Variants in QTMAN observed in about 807,000 individuals in gnomAD.
QTMAN encodes tRNA-queuosine alpha-mannosyltransferase.
chr2:144,031,538 TCAGATA>T, the QTMAN span, among the ~76,000 whole-genome samples: 1 of 151,734 alleles, frequency 6.6e-6, no homozygotes, highest in African/African-American at 2.4e-5. Flanking sequence ...AGAAAAATAC[TCAGATA>T]CAATCATAAA....
chr2:144,134,658 T>C, the QTMAN span, among the ~76,000 whole-genome samples: 7 of 152,234 alleles, frequency 4.6e-5, no homozygotes, highest in Middle Eastern at 3.4e-3. Context: ...AATTCTGTTG[T>C]AGTGATCATA....
At chr2:144,197,675 G>A in the QTMAN span, among the ~76,000 whole-genome samples, 8 of 152,044 alleles carry the variant, frequency 5.3e-5, no homozygotes, top group Non-Finnish European at 1.2e-4. Flanking sequence ...CTAGTAAAAA[G>A]CAAATAACAC....
chr2:144,112,394 T>C, the QTMAN span, among the ~76,000 whole-genome samples: 28 of 152,328 alleles, frequency 1.8e-4, no homozygotes, highest in Non-Finnish European at 3.8e-4. Context: ...ACCTAAGGAA[T>C]GATACAGTAA....
chr2:144,254,402 A>C, the QTMAN span, among the ~76,000 whole-genome samples: 1 of 152,192 alleles, frequency 6.6e-6, no homozygotes, highest in Non-Finnish European at 1.5e-5. Flanking sequence ...AGCCTGGGTG[A>C]CAGGGTGAGA....
the QTMAN span, among the ~76,000 whole-genome samples, chr2:144,327,462 T>A: frequency 1.3e-5 from 2 of 152,146 alleles, no homozygotes; most frequent in African/African-American, 4.8e-5. Flanking sequence ...TTGAACTGCA[T>A]AAAAATCACC....
the QTMAN span, among the ~76,000 whole-genome samples, chr2:144,134,189 T>C: frequency 1.3e-5 from 2 of 152,120 alleles, no homozygotes; most frequent in Admixed American, 6.6e-5. Context: ...CAATGTAAAA[T>C]AGTGTTTTTT....
chr2:144,061,649 T>C, the QTMAN span, among the ~76,000 whole-genome samples: 1 of 152,192 alleles, frequency 6.6e-6, no homozygotes, highest in Non-Finnish European at 1.5e-5. Context: ...TTAATGCTGC[T>C]GATACAGAAG....
chr2:144,288,428 T>C, the QTMAN span, among the ~76,000 whole-genome samples: 7 of 152,228 alleles, frequency 4.6e-5, no homozygotes, highest in African/African-American at 1.2e-4. Context: ...TTCATATCTG[T>C]TGTATAAACA....
the QTMAN span, among the ~76,000 whole-genome samples, chr2:144,022,649 C>T: frequency 3.4e-5 from 5 of 149,186 alleles, no homozygotes; most frequent in East Asian, 4.0e-4. Flanking sequence ...TTGCAACTTC[C>T]GCCTCCCAGG....
the QTMAN span, among the ~76,000 whole-genome samples, chr2:144,019,401 A>T: frequency 1.3e-5 from 2 of 148,958 alleles, no homozygotes; most frequent in African/African-American, 4.9e-5. Context: ...GGTTGAGCAG[A>T]GAGGGGGAGG....
the QTMAN span, among the ~76,000 whole-genome samples, chr2:144,005,440 T>C: frequency 1.3e-5 from 2 of 152,188 alleles, no homozygotes; most frequent in East Asian, 3.9e-4. Flanking sequence ...GCTTCTACCT[T>C]GTATGTCCCC....
chr2:144,278,387 G>C, the QTMAN span, among the ~76,000 whole-genome samples: 1 of 152,078 alleles, frequency 6.6e-6, no homozygotes, highest in African/African-American at 2.4e-5. Context: ...ATATATTAGG[G>C]ATAACAGACA....
At chr2:144,285,014 A>G in the QTMAN span, among the ~76,000 whole-genome samples, 1 of 147,748 alleles carries the variant, frequency 6.8e-6, no homozygotes, top group East Asian at 2.0e-4. Context: ...CTGAGGTGGT[A>G]GGATCACTTG....
chr2:144,248,357 G>C, the QTMAN span, among the ~76,000 whole-genome samples: 6 of 152,148 alleles, frequency 3.9e-5, no homozygotes, highest in African/African-American at 1.4e-4. Flanking sequence ...GGTAATTTTA[G>C]AATTTTTTTC....
chr2:144,229,943 T>C, the QTMAN span, among the ~76,000 whole-genome samples: 3 of 152,272 alleles, frequency 2.0e-5, no homozygotes, highest in Admixed American at 2.0e-4. Flanking sequence ...GCATAATAAC[T>C]ATAGTCACAT....
chr2:143,963,449 A>G, the QTMAN span, among the ~76,000 whole-genome samples: 1 of 151,872 alleles, frequency 6.6e-6, no homozygotes, highest in African/African-American at 2.4e-5. Flanking sequence ...TGTATATACA[A>G]GTTGTATTTC....
At chr2:144,332,614 C>T in the QTMAN span, 5 of 150,690 alleles carry the variant, frequency 3.3e-5, no homozygotes, top group Admixed American at 2.0e-4. Flanking sequence ...TCGGCCCGCC[C>T]GCGCAATCGA....
chr2:144,036,315 C>A, the QTMAN span, among the ~76,000 whole-genome samples: 33 of 152,266 alleles, frequency 2.2e-4, no homozygotes, highest in African/African-American at 7.0e-4. Flanking sequence ...GCCTTGGCTG[C>A]ATAATTATTA....
the QTMAN span, among the ~76,000 whole-genome samples, chr2:144,040,688 G>C: frequency 9.2e-5 from 14 of 152,246 alleles, no homozygotes; most frequent in African/African-American, 3.4e-4. Context: ...ATGAGGAAAG[G>C]AGCTTAAGTA....
Sources: gnomAD v4.1 joint callset for allele counts (sites outside exome capture counted in the v4.1 genomes callset) on GRCh38, gnomAD v4.1.1 for gene constraint, MANE v1.5 for transcripts, NCBI Gene and HGNC (gene_info 2026-07-23, HGNC 2026-07-21) for gene names.